Variants in CPA6 observed in about 807,000 individuals in gnomAD.
CPA6 encodes the protein carboxypeptidase B.
Under a neutral mutation model 63.3 loss-of-function variants are expected in CPA6, and 58 were observed. That is an observed-to-expected ratio of 0.92 (90% CI 0.74 to 1.14). The LOEUF (loss-of-function observed/expected upper bound fraction) is 1.14, where lower values mean the gene tolerates loss of function less well. Among genes scored for constraint, CPA6 ranks in the 50% most tolerant of loss-of-function variants. The probability of loss-of-function intolerance (pLI) is 0.00; values close to 1 mark genes in which losing one functional copy is unlikely to be tolerated. For missense variants in CPA6, 565 were observed against 526.6 expected (o/e 1.07, Z -0.71); for synonymous variants, 185 against 179.0 (o/e 1.03, Z -0.27).
chr8:67,710,326 A>T (rs1817229226), intron 1 of CPA6, among the ~76,000 whole-genome samples: 1 of 152,004 alleles, frequency 6.6e-6, no homozygotes, highest in South Asian at 2.1e-4. Flanking sequence ...TCAGGCTGTT[A>T]GTTAATCTCT....
rs542882847 is a variant in CPA6 at position 67,457,917 on chromosome 8, C to A, written c.839-23677G>T. On this transcript the variant is annotated intron_variant, in intron 8 of 10. Coordinates refer to ENST00000297770, the MANE Select transcript of CPA6 (RefSeq NM_020361.5). ...CGTTCTTCCTTCAGCTCAGGCTGTTCATTTCCTCTCTTGAAACCTATTGAA... is the reference window on the plus strand; with the variant it reads ...CGTTCTTCCTTCAGCTCAGGCTGTTAATTTCCTCTCTTGAAACCTATTGAA... Among the ~76,000 whole-genome samples, 12 of 152,262 alleles carry A rather than the reference C, an allele frequency of 7.9e-5. No individual in the cohort carries two copies. The South Asian group carries it at 2.5e-3, about 32-fold the overall frequency.
intron 1 of CPA6, among the ~76,000 whole-genome samples, chr8:67,660,322 GTT>G (rs869189030): frequency 4.1e-5 from 3 of 73,904 alleles, no homozygotes; most frequent in African/African-American, 1.3e-4. Flanking sequence ...ATTATTGCAG[GTT>G]TTTTTTTTTT....
intron 1 of CPA6, among the ~76,000 whole-genome samples, chr8:67,706,123 G>A (rs552997381): frequency 3.3e-5 from 5 of 152,182 alleles, no homozygotes; most frequent in Admixed American, 2.0e-4. Context: ...AGGAATTTAT[G>A]AAAAAACGTT....
chr8:67,649,835 T>C lies in CPA6; in HGVS notation c.117-25584A>G, dbSNP rs558694959. 1.4e-4 allele frequency among the ~76,000 whole-genome samples: 21 copies of C among 152,130 alleles called. No individual in the cohort carries two copies. The South Asian group carries it at 3.5e-3, about 26-fold the overall frequency. On this transcript the variant is annotated intron_variant, in intron 1 of 10. Coordinates refer to ENST00000297770, the MANE Select transcript of CPA6 (RefSeq NM_020361.5). ...ACCAAAAAAAATGCTTCTTGAATGG[T>C]GGTGGATGCTGTGAATGAAGACTTA...
chr8:67,539,098 G>A (rs561517557), intron 2 of CPA6, among the ~76,000 whole-genome samples: 1 of 152,296 alleles, frequency 6.6e-6, no homozygotes, highest in East Asian at 1.9e-4. Flanking sequence ...AATGTTGATG[G>A]TCTTTACATT....
At chr8:67,513,936 G>A (rs1406601559) in intron 3 of CPA6, among the ~76,000 whole-genome samples, 1 of 151,804 alleles carries the variant, frequency 6.6e-6, no homozygotes, top group Non-Finnish European at 1.5e-5. Context: ...AAGTTTCCAG[G>A]TTGGGGAGGG....
At chr8:67,536,899 C>T (rs1812597130) in intron 2 of CPA6, among the ~76,000 whole-genome samples, 1 of 152,162 alleles carries the variant, frequency 6.6e-6, no homozygotes, top group African/African-American at 2.4e-5. Flanking sequence ...GTGTTTTTAG[C>T]ATGAAGGGGC....
At chr8:67,475,962 T>G (rs554798166) in intron 8 of CPA6, among the ~76,000 whole-genome samples, 66 of 145,700 alleles carry the variant, frequency 4.5e-4, no homozygotes, top group African/African-American at 1.7e-3. Context: ...TTCTTTCTCT[T>G]TCTCTCTCTC....
chr8:67,474,384 G>A (rs1286653223), intron 8 of CPA6, among the ~76,000 whole-genome samples: 2 of 151,990 alleles, frequency 1.3e-5, no homozygotes, highest in African/African-American at 4.8e-5. Context: ...ACCAAGCCCG[G>A]CTAATTTTTT....
intron 1 of CPA6, among the ~76,000 whole-genome samples, chr8:67,696,881 A>G (rs564420681): frequency 2.6e-5 from 4 of 152,342 alleles, no homozygotes; most frequent in African/African-American, 9.6e-5. Flanking sequence ...GTGATACTTT[A>G]TGGGGTCATG....
At chr8:67,625,375 T>C (rs147074267) in intron 1 of CPA6, among the ~76,000 whole-genome samples, 3 of 152,206 alleles carry the variant, frequency 2.0e-5, no homozygotes, top group Non-Finnish European at 1.5e-5. Flanking sequence ...GTTCTTTCTG[T>C]AAAGGTCCTG....
At chr8:67,724,525 A>C (rs951498032) in intron 1 of CPA6, among the ~76,000 whole-genome samples, 4 of 152,208 alleles carry the variant, frequency 2.6e-5, no homozygotes, top group Non-Finnish European at 4.4e-5. Flanking sequence ...GGAAGGACAC[A>C]TTTACTTGCA....
chr8:67,538,664 G>GACAAT, intron 2 of CPA6, among the ~76,000 whole-genome samples: 1 of 152,014 alleles, frequency 6.6e-6, no homozygotes, highest in South Asian at 2.1e-4. Flanking sequence ...TTGTCAGTCT[G>GACAAT]TGTCTTTTTT....
chr8:67,744,782 C>A (rs1388528204), intron 1 of CPA6, among the ~76,000 whole-genome samples: 1 of 152,046 alleles, frequency 6.6e-6, no homozygotes, highest in Non-Finnish European at 1.5e-5. Flanking sequence ...CAAAAGGCAG[C>A]CCTGGGATGT....
At chr8:67,434,005 G>C (rs781462100) in intron 9 of CPA6, 33 bp downstream of exon 9, 1 of 1,486,910 alleles carries the variant, frequency 6.7e-7, no homozygotes, top group Non-Finnish European at 9.4e-7. Flanking sequence ...GCAGCATGAA[G>C]CCTGATGTAC....
intron 8 of CPA6, among the ~76,000 whole-genome samples, chr8:67,460,011 T>TGG (rs35636424): frequency 1.3e-4 from 19 of 151,962 alleles, no homozygotes; most frequent in Non-Finnish European, 2.2e-4. Flanking sequence ...AGTAAAGTCT[T>TGG]GGGGGGAAAA....
Position 67,506,983 on chromosome 8 carries a change from T to C in CPA6, c.535-95A>G. On this transcript the variant is annotated intron_variant, in intron 5 of 10. Coordinates refer to ENST00000297770, the MANE Select transcript of CPA6 (RefSeq NM_020361.5). The stretch of plus-strand genomic sequence containing the variant: ...GTTTCAGCATAATTCTTCACTGTAG[T>C]GTGGTTCATTAGGTAATGCATAAAA... 3.4e-6 allele frequency: 3 copies of C among 885,630 alleles called. No individual in the cohort carries two copies. The South Asian group carries it at 4.2e-5, about 12-fold the overall frequency. The allele number at this position is 885,630 out of a possible 1,614,324, so 54.9% of individuals were successfully genotyped here.
intron 1 of CPA6, among the ~76,000 whole-genome samples, chr8:67,637,381 T>C (rs1312158236): frequency 6.6e-6 from 1 of 151,662 alleles, no homozygotes; most frequent in East Asian, 1.9e-4. Context: ...CAATAACATG[T>C]AATAATGTCA....
At chr8:67,717,407 CTTA>C (rs1817404087) in intron 1 of CPA6, among the ~76,000 whole-genome samples, 1 of 152,152 alleles carries the variant, frequency 6.6e-6, no homozygotes, top group Non-Finnish European at 1.5e-5. Context: ...TGCTTTAATC[CTTA>C]TTGTTTTATC....
Sources: gnomAD v4.1 joint callset for allele counts (sites outside exome capture counted in the v4.1 genomes callset) on GRCh38, gnomAD v4.1.1 for gene constraint, MANE v1.5 for transcripts, NCBI Gene and HGNC (gene_info 2026-07-23, HGNC 2026-07-21) for gene names.